The following AFAP1L1 variants were observed in gnomAD, a reference collection of about 807,000 sequenced individuals.
The protein encoded by AFAP1L1 is actin filament-associated protein 1-like 1.
A neutral mutation model predicts 99.8 loss-of-function variants in AFAP1L1; 77 were observed. The ratio of observed to expected loss-of-function variants is 0.77; its 90% confidence interval spans 0.64 to 0.93. The LOEUF (loss-of-function observed/expected upper bound fraction) is 0.93, where lower values mean the gene tolerates loss of function less well. AFAP1L1 is among the 40% of genes least tolerant of loss of function. The pLI is 0.00. For synonymous variants in AFAP1L1, 373 were observed against 395.3 expected (o/e 0.94, Z 0.67); for missense variants, 893 against 996.8 (o/e 0.90, Z 1.40).
rs1014323186 is a variant in AFAP1L1 at position 149,323,737 on chromosome 5, C to T, written c.1810+1020C>T. Among the ~76,000 whole-genome samples the T allele has an allele frequency of 4.6e-5, 7 of 152,300 alleles. No homozygotes were observed. In the South Asian group the frequency reaches 8.3e-4, roughly 18 times the overall value. Reference sequence around the variant, plus strand: ...GTACCTCTGGGAAAAGTCCTTTCCCCTCTCTGGGCCTGAGTTTCCTCTCTG... The same window carrying T: ...GTACCTCTGGGAAAAGTCCTTTCCCTTCTCTGGGCCTGAGTTTCCTCTCTG... On this transcript the variant is annotated intron_variant, in intron 15 of 18. Coordinates refer to ENST00000296721, the MANE Select transcript of AFAP1L1 (RefSeq NM_152406.4).
intron 1 of AFAP1L1, among the ~76,000 whole-genome samples, chr5:149,278,811 T>G (rs1280916673): frequency 6.6e-6 from 1 of 152,216 alleles, no homozygotes; most frequent in Non-Finnish European, 1.5e-5. Context: ...TGTCTCTATC[T>G]TCTTGCTCTG....
intron 1 of AFAP1L1, among the ~76,000 whole-genome samples, chr5:149,284,609 G>A (rs1755621287): frequency 6.6e-6 from 1 of 152,352 alleles, no homozygotes; most frequent in Admixed American, 6.5e-5. Context: ...TCCTGGGAAG[G>A]GATGGGATTA....
chr5:149,299,604 G>T lies in AFAP1L1; in HGVS notation c.112G>T (p.Ala38Ser). 6.2e-7 allele frequency: 1 copy of T among 1,614,148 alleles called. No individual in the cohort carries two copies. Among genetic ancestry groups the T allele is most frequent in the Non-Finnish European group, 8.5e-7 (1 of 1,180,006 alleles). ...DTTLEKKMAV[A>S]SILQSLQPLP... ...CACCCTGGAAAAGAAGATGGCCGTGGCCTCCATCCTGCAGAGCCTGCAGCC... is the reference window on the plus strand; with the variant it reads ...CACCCTGGAAAAGAAGATGGCCGTGTCCTCCATCCTGCAGAGCCTGCAGCC... Residue 38 changes from alanine to serine, a missense_variant, in exon 2 of 19, where the codon GCC becomes TCC. Ala to Ser is a moderately conservative substitution (Grantham distance 99). Coordinates refer to ENST00000296721, the MANE Select transcript of AFAP1L1 (RefSeq NM_152406.4).
rs80089509 is a variant in AFAP1L1, at chr5:149,300,317, G to C, written c.192G>C (p.Ser64=). The C allele has an allele frequency of 8.4e-4, 1,359 of 1,613,426 alleles. 9 individuals are homozygous for C. The African/African-American group carries it at 0.017, about 20-fold the overall frequency. Residue 64 remains serine (S), a synonymous_variant, in exon 3 of 19, where the codon TCG becomes TCC. Coordinates refer to ENST00000296721, the MANE Select transcript of AFAP1L1 (RefSeq NM_152406.4). ...ATGTGAACACAGCAGACCTCCACTC[G>C]GGGCCCAGCTTCGTGGAATCCCTCT... ...YLYVNTADLH[S]GPSFVESLFE...
intron 1 of AFAP1L1, among the ~76,000 whole-genome samples, chr5:149,283,172 C>T (rs17109904): frequency 0.017 from 2,599 of 152,306 alleles, 81 homozygotes; most frequent in African/African-American, 0.059. Flanking sequence ...GACAGGTTCC[C>T]GTTTGGCTTT....
intron 16 of AFAP1L1, among the ~76,000 whole-genome samples, chr5:149,331,750 T>C (rs1561685807): frequency 6.6e-6 from 1 of 152,080 alleles, no homozygotes; most frequent in Non-Finnish European, 1.5e-5. Flanking sequence ...TGAAAGAAGA[T>C]GTAATTGGAA....
chr5:149,301,311 G>T, intron 4 of AFAP1L1, 81 bp downstream of exon 4: 1 of 1,372,770 alleles, frequency 7.3e-7, no homozygotes, highest in Non-Finnish European at 1.0e-6. Flanking sequence ...CTTCCCACTG[G>T]GTGCTCTCCT....
rs146019496 is a variant in AFAP1L1 at position 149,300,289 on chromosome 5, T to G, written c.164T>G (p.Leu55Arg). 140 of 1,613,316 alleles carry G rather than the reference T, an allele frequency of 8.7e-5. No individual in the cohort carries two copies. The African/African-American group carries it at 1.6e-3, about 19-fold the overall frequency. Reference protein sequence around the residue: ...QPLPAKEVSYLYVNTADLHSG... With the variant: ...QPLPAKEVSYRYVNTADLHSG... ...CTCACAGCAAAGGAGGTCTCCTACC[T>G]GTATGTGAACACAGCAGACCTCCAC... The change falls in exon 3 of 19, where the codon CTG (leucine) becomes CGG (arginine). Residue 55 changes from leucine to arginine, a missense_variant. Transcript: ENST00000296721.
At chr5:149,316,473 T>A (rs1446568047) in intron 11 of AFAP1L1, among the ~76,000 whole-genome samples, 170 bp downstream of exon 11, 1 of 152,108 alleles carries the variant, frequency 6.6e-6, no homozygotes, top group African/African-American at 2.4e-5. Context: ...GGCCTTCCCA[T>A]CACTTTCCTT....
Position 149,307,408 on chromosome 5 carries a change from ACT to A in AFAP1L1, c.545_546del (p.Ser182Ter), listed in dbSNP as rs761754698. The A allele has an allele frequency of 6.2e-7, 1 of 1,613,856 alleles. No individual in the cohort carries two copies. On this transcript the variant is annotated frameshift_variant, in exon 7 of 19. Transcript: ENST00000296721. LOFTEE classifies it high-confidence loss of function. ...TTTCCCGTGACGCCTGCAGATAATG[ACT>A]CTGACGCAATGAGCAGCTCCTATGA...
rs1756929216 is a variant in AFAP1L1, at chr5:149,320,772, C to T, written c.1698+309C>T. On this transcript the variant is annotated intron_variant, in intron 14 of 18. Transcript: ENST00000296721. This position sits in a 1 kb window ranked among gnomAD's most constrained non-coding sequence, Gnocchi z 4.0. ...TTGCTGGGGCCCTCCTCCTGTTTAC[C>T]ACTCTGTGAACTTATCCTGCTGATT... Among the ~76,000 whole-genome samples the T allele has an allele frequency of 6.6e-6, 1 of 152,204 alleles. No homozygotes were observed. The highest frequency in any genetic ancestry group is 2.4e-5 in the African/African-American group (1 of 41,444).
intron 5 of AFAP1L1, among the ~76,000 whole-genome samples, chr5:149,303,086 C>T (rs1012948541): frequency 6.6e-6 from 1 of 152,116 alleles, no homozygotes; most frequent in Non-Finnish European, 1.5e-5. Flanking sequence ...ATATCAGAAG[C>T]TTTACTTCTA....
intron 1 of AFAP1L1, among the ~76,000 whole-genome samples, chr5:149,274,858 C>G (rs11738233): frequency 0.43 from 64,578 of 148,964 alleles, 14,285 homozygotes; most frequent in East Asian, 0.58. Flanking sequence ...GCACTCCAGC[C>G]TGGGCGACAC....
At chr5:149,309,922 C>T (rs749964208) in intron 7 of AFAP1L1, 34 bp from the exon 8 acceptor site, 34 of 1,613,874 alleles carry the variant, frequency 2.1e-5, no homozygotes, top group Non-Finnish European at 2.9e-5. Context: ...CCCTCTACTT[C>T]AGAAGATCCT....
rs548617404 is a variant in AFAP1L1 at position 149,283,842 on chromosome 5, G to A, written c.16+11858G>A. Among the ~76,000 whole-genome samples the A allele has an allele frequency of 2.6e-5, 4 of 152,284 alleles. No homozygotes were observed. In the East Asian group the frequency reaches 7.7e-4, roughly 29 times the overall value. ...CCTGGGAGTGTGCCAGGAAGCCAGA[G>A]AGCCTGATGGCCTTTCCTCACCTCC... On this transcript the variant is annotated intron_variant, in intron 1 of 18. Coordinates refer to ENST00000296721, the MANE Select transcript of AFAP1L1 (RefSeq NM_152406.4).
chr5:149,293,850 G>T (rs1041512320), intron 1 of AFAP1L1, among the ~76,000 whole-genome samples: 2 of 152,170 alleles, frequency 1.3e-5, no homozygotes, highest in Admixed American at 1.3e-4. Context: ...CATTTTGCCT[G>T]TCATAAAACC....
At chr5:149,292,540 G>T (rs1374152612) in intron 1 of AFAP1L1, among the ~76,000 whole-genome samples, 1 of 152,014 alleles carries the variant, frequency 6.6e-6, no homozygotes, top group African/African-American at 2.4e-5. Flanking sequence ...TTTTAAATAG[G>T]TTTCTAAATT....
chr5:149,275,298 A>G (rs1258169141), intron 1 of AFAP1L1, among the ~76,000 whole-genome samples: 2 of 152,198 alleles, frequency 1.3e-5, no homozygotes, highest in African/African-American at 4.8e-5. Flanking sequence ...TAATTTTCTC[A>G]CAGTTCCAGA....
At chr5:149,310,488 A>G (rs188277418) in intron 8 of AFAP1L1, among the ~76,000 whole-genome samples, 28 of 152,296 alleles carry the variant, frequency 1.8e-4, no homozygotes, top group African/African-American at 6.7e-4. Flanking sequence ...ACAACAACAA[A>G]GGAAAAATCC....
Sources: allele counts gnomAD v4.1 joint callset (sites outside exome capture counted in the v4.1 genomes callset), GRCh38; gene constraint gnomAD v4.1.1; non-coding constraint Gnocchi (gnomAD v3.1); transcripts MANE v1.5; gene names NCBI Gene and HGNC (gene_info 2026-07-23, HGNC 2026-07-21).